The following ZDHHC2 variants were observed in gnomAD, a reference collection of about 807,000 sequenced individuals.
ZDHHC2 encodes the protein palmitoyltransferase ZDHHC2.
In ZDHHC2, 51 loss-of-function variants were observed where a neutral mutation model predicts 55.6. The ratio of observed to expected loss-of-function variants is 0.92; its 90% CI spans 0.73 to 1.16. The LOEUF is 1.16. Among genes scored for constraint, ZDHHC2 ranks in the 50% most tolerant of loss-of-function variants. ZDHHC2 has a pLI of 0.00. For synonymous variants in ZDHHC2, 199 were observed against 152.9 expected (o/e 1.30, Z -2.22); for missense variants, 491 against 442.4 (o/e 1.11, Z -0.99).
chr8:17,174,091 T>G (rs1805002657), intron 1 of ZDHHC2, among the ~76,000 whole-genome samples: 1 of 150,894 alleles, frequency 6.6e-6, no homozygotes, highest in East Asian at 1.9e-4. Flanking sequence ...TTTCTTCTTC[T>G]TCTTCTTTTT....
At chr8:17,171,048 G>A (rs1392721055) in intron 1 of ZDHHC2, among the ~76,000 whole-genome samples, 2 of 152,130 alleles carry the variant, frequency 1.3e-5, no homozygotes. Context: ...TCGTTGTTGA[G>A]GGTGTAGTAT....
chr8:17,185,000 A>T (rs1057238792), intron 2 of ZDHHC2, among the ~76,000 whole-genome samples, 185 bp downstream of exon 2: 1 of 152,210 alleles, frequency 6.6e-6, no homozygotes, highest in Non-Finnish European at 1.5e-5. Context: ...AAAGAATTCT[A>T]TCCTGAAATG....
intron 11 of ZDHHC2, among the ~76,000 whole-genome samples, chr8:17,216,805 G>A (rs1807671091): frequency 1.3e-5 from 2 of 152,102 alleles, no homozygotes; most frequent in South Asian, 4.1e-4. Context: ...GAAAAATGAG[G>A]TGAGAAAGTG....
At chr8:17,180,657 T>C (rs1490802458) in intron 1 of ZDHHC2, among the ~76,000 whole-genome samples, 1 of 152,232 alleles carries the variant, frequency 6.6e-6, no homozygotes, top group Non-Finnish European at 1.5e-5. Flanking sequence ...GAATTCTCGC[T>C]ACAGCCCTAA....
intron 1 of ZDHHC2, among the ~76,000 whole-genome samples, chr8:17,171,908 G>C (rs1804873463): frequency 6.6e-6 from 1 of 151,720 alleles, no homozygotes; most frequent in South Asian, 2.1e-4. Flanking sequence ...CTTTGGCTAA[G>C]AGAGCCAGAC....
chr8:17,191,778 A>G (rs984387063), intron 3 of ZDHHC2, among the ~76,000 whole-genome samples: 1 of 152,214 alleles, frequency 6.6e-6, no homozygotes, highest in Non-Finnish European at 1.5e-5. Flanking sequence ...TGCAATAAAC[A>G]TGGGAGTGCA....
chr8:17,198,530 A>G lies in ZDHHC2; in HGVS notation c.476+117A>G, dbSNP rs867960237. On this transcript the variant is annotated intron_variant, in intron 6 of 12. Transcript: ENST00000262096. ...ATATTACTTGAGTTGACATAGCAGG[A>G]ACTTTTGGATTTAGTTTCTAATATT... The G allele has an allele frequency of 4.4e-5, 41 of 939,868 alleles. No individual in the cohort carries two copies. The Middle Eastern group carries it at 1.4e-3, about 32-fold the overall frequency. The allele number at this position is 939,868 out of a possible 1,614,324, so 58.2% of individuals were successfully genotyped here.
At position 17,193,151 on chromosome 8, in the gene ZDHHC2, C is replaced by T. The variant is rs189940911; in HGVS notation, c.253-2353C>T. On this transcript the variant is annotated intron_variant, in intron 3 of 12. Coordinates refer to ENST00000262096, the MANE Select transcript of ZDHHC2 (RefSeq NM_016353.5). Reference sequence around the variant, plus strand: ...CAGGATAGTTTTGGCTATTCTGGGTCTTTTGTGATTCCATATACATTTTAG... The same window carrying T: ...CAGGATAGTTTTGGCTATTCTGGGTTTTTTGTGATTCCATATACATTTTAG... 2.0e-5 allele frequency among the ~76,000 whole-genome samples: 3 copies of T among 152,296 alleles called. 1 individual carries two copies. The highest frequency in any genetic ancestry group is 6.5e-5 in the Admixed American group (1 of 15,298).
intron 1 of ZDHHC2, among the ~76,000 whole-genome samples, chr8:17,178,690 A>G (rs769721549): frequency 2.0e-5 from 3 of 152,182 alleles, no homozygotes; most frequent in African/African-American, 4.8e-5. Context: ...GTCAAAAGAG[A>G]TAAGGGAGGT....
Position 17,175,768 on chromosome 8 carries a change from G to A in ZDHHC2, c.131-9021G>A, listed in dbSNP as rs538170009. On this transcript the variant is annotated intron_variant, in intron 1 of 12. Coordinates refer to ENST00000262096, the MANE Select transcript of ZDHHC2 (RefSeq NM_016353.5). ...AAAGACACAAGTAAATGAAAATACAGGTTGTGTGAGATGCTAAGAGACGAA... is the reference window on the plus strand; with the variant it reads ...AAAGACACAAGTAAATGAAAATACAAGTTGTGTGAGATGCTAAGAGACGAA... Among the ~76,000 whole-genome samples, 5 of 152,330 alleles carry A rather than the reference G, an allele frequency of 3.3e-5. No individual in the cohort carries two copies. In the South Asian group the frequency reaches 1.0e-3, roughly 32 times the overall value.
Position 17,186,405 on chromosome 8 carries a change from C to G in ZDHHC2, c.232C>G (p.Pro78Ala), listed in dbSNP as rs757353923. Residue 78 changes from proline (P) to alanine (A), a missense_variant, in exon 3 of 13, where the codon CCA (proline) becomes GCA (alanine). Transcript: ENST00000262096. Reference protein sequence around the residue: ...WSYWKTIFTLPMNPSKEFHLS... With the variant: ...WSYWKTIFTLAMNPSKEFHLS... ...ATACTGGAAAACTATCTTTACATTA[C>G]CAATGAATCCTTCAAAAGAAGTAAG... The G allele has an allele frequency of 6.4e-7, 1 of 1,559,528 alleles. No individual in the cohort carries two copies. The highest frequency in any genetic ancestry group is 8.6e-7 in the Non-Finnish European group (1 of 1,157,088).
intron 1 of ZDHHC2, among the ~76,000 whole-genome samples, chr8:17,175,207 CCT>C (rs780892548): frequency 1.2e-4 from 19 of 152,044 alleles, no homozygotes; most frequent in Non-Finnish European, 2.6e-4. Context: ...CATGCCAAGC[CCT>C]GTTAGAATCT....
At chr8:17,201,767 A>T (rs1806788610) in intron 6 of ZDHHC2, among the ~76,000 whole-genome samples, 1 of 150,920 alleles carries the variant, frequency 6.6e-6, no homozygotes, top group African/African-American at 2.4e-5. Flanking sequence ...AAGTGGTAGG[A>T]TTACAGGCAT....
At chr8:17,195,430 CG>C in intron 3 of ZDHHC2, 73 bp from the exon 4 acceptor site, 1 of 1,462,078 alleles carries the variant, frequency 6.8e-7, no homozygotes, top group South Asian at 1.3e-5. Context: ...TACCCTTTTC[CG>C]GGTATGGTAG....
chr8:17,196,123 A>C (rs1211593958), intron 4 of ZDHHC2, among the ~76,000 whole-genome samples: 2 of 152,188 alleles, frequency 1.3e-5, no homozygotes, highest in African/African-American at 4.8e-5. Context: ...GCAATAAATT[A>C]ACAAATCTCT....
chr8:17,192,756 G>T (rs1806100914), intron 3 of ZDHHC2, among the ~76,000 whole-genome samples: 1 of 152,154 alleles, frequency 6.6e-6, no homozygotes, highest in Non-Finnish European at 1.5e-5. Context: ...CATAATTTGA[G>T]GTCTTAGATT....
chr8:17,190,288 C>T (rs1258105409), intron 3 of ZDHHC2, among the ~76,000 whole-genome samples: 1 of 151,688 alleles, frequency 6.6e-6, no homozygotes, highest in Non-Finnish European at 1.5e-5. Flanking sequence ...GAATATATAC[C>T]AATAAATACT....
chr8:17,174,627 C>G (rs1187571216), intron 1 of ZDHHC2, among the ~76,000 whole-genome samples: 1 of 151,876 alleles, frequency 6.6e-6, no homozygotes, highest in Admixed American at 6.6e-5. Flanking sequence ...CATAACCTAC[C>G]CTTAAGAGAC....
chr8:17,193,192 G>A (rs1470793544), intron 3 of ZDHHC2, among the ~76,000 whole-genome samples: 1 of 152,086 alleles, frequency 6.6e-6, no homozygotes, highest in Non-Finnish European at 1.5e-5. Flanking sequence ...GTCCTCCTTG[G>A]GAAGGCTTTC....
Sources: allele counts gnomAD v4.1 joint callset (sites outside exome capture counted in the v4.1 genomes callset), GRCh38; gene constraint gnomAD v4.1.1; transcripts MANE v1.5; gene names NCBI Gene and HGNC (gene_info 2026-07-23, HGNC 2026-07-21).